Variants in ALOX5AP observed in about 807,000 individuals in gnomAD.
The protein encoded by ALOX5AP is arachidonate 5-lipoxygenase activating protein.
ALOX5AP carries 9 observed loss-of-function variants against 18.5 expected under a neutral mutation model. The ratio of observed to expected loss-of-function variants is 0.49; its 90% CI spans 0.29 to 0.85. The LOEUF is 0.85. ALOX5AP is among the 40% of genes least tolerant of loss of function. The pLI is 0.08. For missense variants in ALOX5AP, 172 were observed against 202.5 expected, an observed-to-expected ratio of 0.85 and a Z score of 0.91; for synonymous variants, 81 against 78.6, an observed-to-expected ratio of 1.03 and a Z score of -0.16.
chr13:30,736,729 A>G (rs1240318883), intron 1 of ALOX5AP, among the ~76,000 whole-genome samples: 1 of 152,232 alleles, frequency 6.6e-6, no homozygotes, highest in African/African-American at 2.4e-5. Flanking sequence ...ACACACTCCA[A>G]GTATGTTTTC....
At chr13:30,756,054 T>C (rs1250640885) in intron 4 of ALOX5AP, 29 bp downstream of exon 4, 3 of 1,598,546 alleles carry the variant, frequency 1.9e-6, no homozygotes, top group Non-Finnish European at 2.6e-6. Flanking sequence ...TAAAGAACTG[T>C]GGAGCGATTC....
At chr13:30,746,622 T>C (rs1951811469) in intron 2 of ALOX5AP, among the ~76,000 whole-genome samples, 2 of 152,194 alleles carry the variant, frequency 1.3e-5, no homozygotes, top group Non-Finnish European at 2.9e-5. Context: ...TGTGTTATTC[T>C]AGGAGAAAGT....
At chr13:30,752,919 A>C (rs1370934548) in intron 3 of ALOX5AP, among the ~76,000 whole-genome samples, 2 of 152,256 alleles carry the variant, frequency 1.3e-5, no homozygotes, top group African/African-American at 2.4e-5. Flanking sequence ...GCTGGTGAAG[A>C]ACACAGGCAG....
intron 3 of ALOX5AP, among the ~76,000 whole-genome samples, chr13:30,753,410 A>G (rs1298243512): frequency 7.9e-5 from 12 of 152,200 alleles, no homozygotes; most frequent in Non-Finnish European, 1.8e-4. Flanking sequence ...ATGATGCTTG[A>G]TCTAGATGAA....
At chr13:30,717,660 C>T (rs1233128470) in intron 1 of ALOX5AP, among the ~76,000 whole-genome samples, 2 of 152,170 alleles carry the variant, frequency 1.3e-5, no homozygotes. Flanking sequence ...TGGAAAGGTC[C>T]CTAGTGCAGG....
chr13:30,751,052 C>A (rs796420422), intron 2 of ALOX5AP, among the ~76,000 whole-genome samples: 3 of 152,054 alleles, frequency 2.0e-5, no homozygotes, highest in Non-Finnish European at 4.4e-5. Flanking sequence ...ACATCCTGAA[C>A]CATAGTAAAA....
At chr13:30,756,141 TG>T (rs750857122) in intron 4 of ALOX5AP, 116 bp downstream of exon 4, 4 of 983,170 alleles carry the variant, frequency 4.1e-6, no homozygotes, top group African/African-American at 1.6e-5. Context: ...TCCCCTTGGG[TG>T]GGAGGGGGAA....
chr13:30,763,898 T>A (rs201285647), intron 4 of ALOX5AP, 46 bp from the exon 5 acceptor site: 1 of 1,564,016 alleles, frequency 6.4e-7, no homozygotes, highest in African/African-American at 1.4e-5. Flanking sequence ...GTGAAATTGG[T>A]GTCATTCGCA....
upstream of ALOX5AP, among the ~76,000 whole-genome samples, chr13:30,734,454 C>G (rs115502548): frequency 5.1e-3 from 770 of 152,294 alleles, 4 homozygotes; most frequent in African/African-American, 0.018. Flanking sequence ...ATAAAAGCAC[C>G]TCTTAACCAA....
upstream of ALOX5AP, among the ~76,000 whole-genome samples, chr13:30,735,080 G>A (rs1951709883): frequency 6.6e-6 from 1 of 152,080 alleles, no homozygotes; most frequent in Admixed American, 6.5e-5. Flanking sequence ...CATAATCATT[G>A]GCTCACTGTA....
intron 1 of ALOX5AP, among the ~76,000 whole-genome samples, chr13:30,741,272 A>AT (rs879592242): frequency 9.7e-5 from 14 of 144,298 alleles, no homozygotes; most frequent in African/African-American, 1.5e-4. Flanking sequence ...CGCCCAGCTA[A>AT]TTTTTTTTTT....
intron 1 of ALOX5AP, 82 bp downstream of exon 1, chr13:30,735,757 G>T: frequency 6.7e-7 from 1 of 1,486,978 alleles, no homozygotes; most frequent in Non-Finnish European, 9.3e-7. Context: ...TTAAACAATT[G>T]TGTCTGTGTG....
intron 2 of ALOX5AP, among the ~76,000 whole-genome samples, chr13:30,746,328 C>T (rs760700304): frequency 6.6e-6 from 1 of 152,202 alleles, no homozygotes; most frequent in Admixed American, 6.5e-5. Context: ...TACACTCAAC[C>T]TCCATGAGAG....
intron 2 of ALOX5AP, among the ~76,000 whole-genome samples, chr13:30,751,171 C>G (rs1314177388): frequency 6.6e-6 from 1 of 152,168 alleles, no homozygotes; most frequent in Non-Finnish European, 1.5e-5. Flanking sequence ...TCAAGTGATT[C>G]TCCTGCCTCA....
intron 2 of ALOX5AP, chr13:30,744,474 C>T (rs1394188209): frequency 2.4e-5 from 6 of 245,688 alleles, no homozygotes; most frequent in Non-Finnish European, 5.0e-5. Flanking sequence ...GGGGTTAGAC[C>T]AGGGTTGCTA....
At chr13:30,734,672 C>T (rs544600287), upstream of ALOX5AP, among the ~76,000 whole-genome samples, 4 of 152,334 alleles carry the variant, frequency 2.6e-5, no homozygotes, top group East Asian at 5.8e-4. Context: ...GGTGTTTCTG[C>T]GATTGCCTCA....
chr13:30,714,088 G>C (rs1040325532), intron 1 of ALOX5AP, among the ~76,000 whole-genome samples: 1 of 151,668 alleles, frequency 6.6e-6, no homozygotes, highest in African/African-American at 2.4e-5. Flanking sequence ...TACACTAAAG[G>C]AACTCTCTGC....
chr13:30,757,181 A>G (rs1467739933), intron 4 of ALOX5AP, among the ~76,000 whole-genome samples: 1 of 152,038 alleles, frequency 6.6e-6, no homozygotes, highest in Non-Finnish European at 1.5e-5. Flanking sequence ...ACCCCTCTCT[A>G]GTGGCTAATG....
At chr13:30,746,242 T>G (rs1344872180) in intron 2 of ALOX5AP, among the ~76,000 whole-genome samples, 1 of 151,374 alleles carries the variant, frequency 6.6e-6, no homozygotes, top group Admixed American at 6.6e-5. Context: ...AAGAGGAGAG[T>G]GGAAAGTGAT....
Sources: gnomAD v4.1 joint callset for allele counts (sites outside exome capture counted in the v4.1 genomes callset) on GRCh38, gnomAD v4.1.1 for gene constraint, MANE v1.5 for transcripts, NCBI Gene and HGNC (gene_info 2026-07-23, HGNC 2026-07-21) for gene names.